Variants in ZFPM2 observed in about 807,000 individuals in gnomAD.
The protein encoded by ZFPM2 is zinc finger protein ZFPM2.
ZFPM2 carries 20 observed loss-of-function variants against 98.6 expected under a neutral mutation model. The ratio of observed to expected loss-of-function variants is 0.20; its 90% confidence interval spans 0.14 to 0.29. The LOEUF (loss-of-function observed/expected upper bound fraction) is 0.29, where lower values mean the gene tolerates loss of function less well. ZFPM2 is among the 10% of genes least tolerant of loss of function. The probability of loss-of-function intolerance (pLI) is 1.00; values close to 1 mark genes in which losing one functional copy is unlikely to be tolerated. For synonymous variants in ZFPM2, 518 were observed against 502.7 expected (o/e 1.03, Z -0.41); for missense variants, 1,310 against 1,388.6 (o/e 0.94, Z 0.90).
intron 3 of ZFPM2, among the ~76,000 whole-genome samples, chr8:105,444,705 A>G (rs960936520): frequency 2.0e-5 from 3 of 152,194 alleles, no homozygotes; most frequent in Admixed American, 6.5e-5. Context: ...ATTAAAGCTT[A>G]CAAACAAGAA....
intron 3 of ZFPM2, among the ~76,000 whole-genome samples, chr8:105,462,501 A>G (rs559943231): frequency 6.6e-6 from 1 of 152,258 alleles, no homozygotes; most frequent in South Asian, 2.1e-4. Flanking sequence ...ACAGAATCTC[A>G]GATGAAAATT....
intron 3 of ZFPM2, among the ~76,000 whole-genome samples, chr8:105,559,688 A>G (rs1815086124): frequency 6.6e-6 from 1 of 152,198 alleles, no homozygotes; most frequent in Non-Finnish European, 1.5e-5. Context: ...AATAATGAAA[A>G]CATGAACAAT....
chr8:105,365,128 G>C (rs1291733041), intron 1 of ZFPM2, among the ~76,000 whole-genome samples: 2 of 152,048 alleles, frequency 1.3e-5, no homozygotes, highest in Admixed American at 1.3e-4. Flanking sequence ...TAGCAACTAG[G>C]GTATTTAGCA....
At chr8:105,801,003 A>AAC (rs1486216496) in intron 7 of ZFPM2, 44 bp from the exon 8 acceptor site, 2 of 1,551,222 alleles carry the variant, frequency 1.3e-6, no homozygotes, top group African/African-American at 1.4e-5. Context: ...TTCAAAAACC[A>AAC]ACACACATGT....
chr8:105,481,644 A>G (rs750099403), intron 3 of ZFPM2, among the ~76,000 whole-genome samples: 1 of 152,114 alleles, frequency 6.6e-6, no homozygotes, highest in Non-Finnish European at 1.5e-5. Context: ...GTCCCTCCCA[A>G]ATGTTCAGTT....
At chr8:105,459,029 C>G (rs551048400) in intron 3 of ZFPM2, among the ~76,000 whole-genome samples, 2 of 152,220 alleles carry the variant, frequency 1.3e-5, no homozygotes, top group South Asian at 4.1e-4. Flanking sequence ...GAAAAATATT[C>G]TACAAACCAT....
chr8:105,768,990 T>C (rs1480466674), intron 5 of ZFPM2, among the ~76,000 whole-genome samples: 17 of 151,922 alleles, frequency 1.1e-4, no homozygotes, highest in Non-Finnish European at 1.5e-5. Context: ...AAACATTGAA[T>C]GGAGTAAGAT....
At chr8:105,406,022 G>T (rs1331829518) in intron 1 of ZFPM2, among the ~76,000 whole-genome samples, 1 of 152,120 alleles carries the variant, frequency 6.6e-6, no homozygotes, top group African/African-American at 2.4e-5. Context: ...GCATTTCTCT[G>T]ATGGCCAGTG....
intron 6 of ZFPM2, among the ~76,000 whole-genome samples, chr8:105,792,313 G>C (rs576978446): frequency 1.8e-3 from 275 of 152,294 alleles, no homozygotes; most frequent in Non-Finnish European, 2.2e-3. Flanking sequence ...TGGTTTCAAA[G>C]AACATCTTTA....
chr8:105,472,244 A>G (rs6994451), intron 3 of ZFPM2, among the ~76,000 whole-genome samples: 2,453 of 152,350 alleles, frequency 0.016, 62 homozygotes, highest in African/African-American at 0.056. Context: ...CATTATTTCC[A>G]TGGTACTACC....
At chr8:105,366,026 T>C (rs1810498054) in intron 1 of ZFPM2, among the ~76,000 whole-genome samples, 1 of 152,190 alleles carries the variant, frequency 6.6e-6, no homozygotes, top group Non-Finnish European at 1.5e-5. Context: ...TATAAATGTA[T>C]TGTTTAAATA....
intron 5 of ZFPM2, among the ~76,000 whole-genome samples, chr8:105,772,662 A>C (rs934933171): frequency 6.6e-6 from 1 of 152,168 alleles, no homozygotes; most frequent in African/African-American, 2.4e-5. Flanking sequence ...TGGTGCAAAT[A>C]TCTGTTCAAA....
intron 2 of ZFPM2, among the ~76,000 whole-genome samples, chr8:105,420,900 A>C (rs930078224): frequency 6.6e-6 from 1 of 152,162 alleles, no homozygotes; most frequent in Non-Finnish European, 1.5e-5. Context: ...AATTTAATTC[A>C]TCCAGGAAGG....
intron 5 of ZFPM2, among the ~76,000 whole-genome samples, chr8:105,712,247 A>G (rs1407230226): frequency 2.6e-5 from 4 of 152,116 alleles, no homozygotes; most frequent in Non-Finnish European, 5.9e-5. Flanking sequence ...GATTCTACAA[A>G]TATTTAGTAG....
At chr8:105,359,173 G>A (rs553636948) in intron 1 of ZFPM2, among the ~76,000 whole-genome samples, 4 of 151,912 alleles carry the variant, frequency 2.6e-5, no homozygotes, top group African/African-American at 7.3e-5. Context: ...TTGATAGATG[G>A]TAGTTTTCCC....
At chr8:105,394,097 G>T (rs1362200703) in intron 1 of ZFPM2, among the ~76,000 whole-genome samples, 2 of 152,132 alleles carry the variant, frequency 1.3e-5, no homozygotes, top group Non-Finnish European at 2.9e-5. Context: ...GTTTCACCGT[G>T]TTAGCCAGGA....
At chr8:105,619,619 G>T (rs1816492203) in intron 4 of ZFPM2, among the ~76,000 whole-genome samples, 1 of 151,844 alleles carries the variant, frequency 6.6e-6, no homozygotes, top group Non-Finnish European at 1.5e-5. Flanking sequence ...GTACCATGTT[G>T]GTGTGCTGCA....
chr8:105,601,930 A>C (rs549570561), intron 4 of ZFPM2, among the ~76,000 whole-genome samples: 1 of 152,218 alleles, frequency 6.6e-6, no homozygotes, highest in African/African-American at 2.4e-5. Flanking sequence ...CTGGGCCTCA[A>C]GATTTATTAG....
rs76963945 is a variant in ZFPM2, at chr8:105,496,592, C to T, written c.301+52211C>T. Among the ~76,000 whole-genome samples, 304 of 151,882 alleles carry T rather than the reference C, an allele frequency of 2.0e-3. 5 individuals carry two copies. Among genetic ancestry groups the T allele is most frequent in the Admixed American group, 0.015 (228 of 15,244 alleles). The stretch of plus-strand genomic sequence containing the variant: ...GGTGAGGTTGAACTTAATCTCCTGG[C>T]TGAGGTGGTATCTACAGGCCCAGCA... On this transcript the variant is annotated intron_variant, in intron 3 of 7. Transcript: ENST00000407775.
Sources: gnomAD v4.1 joint callset for allele counts (sites outside exome capture counted in the v4.1 genomes callset) on GRCh38, gnomAD v4.1.1 for gene constraint, MANE v1.5 for transcripts, NCBI Gene and HGNC (gene_info 2026-07-23, HGNC 2026-07-21) for gene names.